EYS: variants seen among roughly 807,000 people sequenced by gnomAD.
EYS encodes the protein EGF-like photoreceptor maintenance factor.
In EYS, 250 loss-of-function variants were observed where a neutral mutation model predicts 282.1. The ratio of observed to expected loss-of-function variants is 0.89; its 90% CI spans 0.80 to 0.98. The LOEUF (loss-of-function observed/expected upper bound fraction) is 0.98, where lower values mean the gene tolerates loss of function less well. Among genes scored for constraint, EYS ranks in the 50% least tolerant of loss-of-function variants. The pLI, the probability that EYS is intolerant of heterozygous loss-of-function variation, is 0.00. For synonymous variants in EYS, 1,355 were observed against 1,282.9 expected (o/e 1.06, Z -1.20); for missense variants, 4,016 against 3,709.0 (o/e 1.08, Z -2.15).
chr6:64,015,619 T>C (rs566962820), intron 33 of EYS, among the ~76,000 whole-genome samples: 2 of 152,256 alleles, frequency 1.3e-5, no homozygotes, highest in East Asian at 3.9e-4. Flanking sequence ...AGACAAATGA[T>C]CGAATGCCTA....
chr6:64,107,285 T>TTTA (rs1275963690), intron 31 of EYS, among the ~76,000 whole-genome samples: 6 of 101,502 alleles, frequency 5.9e-5, no homozygotes, highest in South Asian at 3.2e-4. Flanking sequence ...ATATATATAT[T>TTTA]TATATATATA....
At chr6:64,033,131 T>C (rs1769940528) in intron 33 of EYS, among the ~76,000 whole-genome samples, 2 of 152,238 alleles carry the variant, frequency 1.3e-5, no homozygotes, top group Non-Finnish European at 2.9e-5. Context: ...AGATTTCTTA[T>C]TATGTAACAG....
intron 1 of EYS, among the ~76,000 whole-genome samples, chr6:65,695,027 GA>G (rs1769392999): frequency 6.6e-6 from 1 of 151,990 alleles, no homozygotes; most frequent in South Asian, 2.1e-4. Flanking sequence ...AGGAAGAGTT[GA>G]AAGAGAGCAA....
intron 29 of EYS, among the ~76,000 whole-genome samples, chr6:64,309,919 C>T (rs1051573912): frequency 4.0e-5 from 6 of 149,546 alleles, no homozygotes; most frequent in Admixed American, 1.3e-4. Flanking sequence ...GAACCGAGAT[C>T]GTACCACTGC....
At chr6:65,334,955 A>C (rs1009814853) in intron 11 of EYS, 25 bp downstream of exon 11, 1 of 1,591,090 alleles carries the variant, frequency 6.3e-7, no homozygotes, top group Admixed American at 1.7e-5. Flanking sequence ...ATGTGATATT[A>C]TCTGCTCAAA....
At chr6:64,958,895 A>C (rs369024402) in intron 14 of EYS, among the ~76,000 whole-genome samples, 25 of 152,272 alleles carry the variant, frequency 1.6e-4, no homozygotes, top group African/African-American at 4.6e-4. Context: ...TAGACACACA[A>C]TCATTGGAGT....
At chr6:64,883,869 T>C (rs1262008482) in intron 19 of EYS, among the ~76,000 whole-genome samples, 3 of 151,516 alleles carry the variant, frequency 2.0e-5, no homozygotes, top group Non-Finnish European at 4.4e-5. Context: ...AGTGTTTAAT[T>C]AAAAATACTC....
intron 22 of EYS, among the ~76,000 whole-genome samples, chr6:64,647,730 T>A (rs2149875853): frequency 6.6e-6 from 1 of 152,256 alleles, no homozygotes; most frequent in South Asian, 2.1e-4. Flanking sequence ...AAAACGCTAG[T>A]ATTCTTCAAA....
chr6:65,359,656 T>G (rs967970655), intron 8 of EYS, among the ~76,000 whole-genome samples: 2 of 152,026 alleles, frequency 1.3e-5, no homozygotes, highest in Non-Finnish European at 2.9e-5. Flanking sequence ...ATTTGCTAGT[T>G]TTTAGAAACC....
At chr6:64,653,001 G>A (rs1055514711) in intron 22 of EYS, among the ~76,000 whole-genome samples, 2 of 152,138 alleles carry the variant, frequency 1.3e-5, no homozygotes, top group African/African-American at 2.4e-5. Flanking sequence ...CTAATTCTCA[G>A]TACCCCCGTA....
rs62415479 is a variant in EYS, at chr6:64,764,887, C to T, written c.3443+48491G>A. Among the ~76,000 whole-genome samples, 811 of 152,214 alleles carry T rather than the reference C, an allele frequency of 5.3e-3. 4 individuals carry two copies. The highest frequency in any genetic ancestry group is 9.4e-3 in the Non-Finnish European group (639 of 68,002). On this transcript the variant is annotated intron_variant, in intron 22 of 42. Transcript: ENST00000503581. ...CCAAGTAGGTGGGATTACAGGCATG[C>T]ACCACCATGCCCAGCTAATTTTATA...
chr6:65,007,366 G>A (rs1389225174), intron 13 of EYS, among the ~76,000 whole-genome samples: 3 of 151,978 alleles, frequency 2.0e-5, no homozygotes, highest in African/African-American at 7.3e-5. Context: ...ACCCTCAGAC[G>A]CTAAGAAAGA....
intron 12 of EYS, among the ~76,000 whole-genome samples, chr6:65,282,412 A>T (rs528220387): frequency 6.6e-6 from 1 of 152,142 alleles, no homozygotes; most frequent in Admixed American, 6.5e-5. Flanking sequence ...AATGAACTAA[A>T]ATTAAATAAA....
At chr6:63,954,357 T>A (rs1765722079) in intron 35 of EYS, among the ~76,000 whole-genome samples, 1 of 152,178 alleles carries the variant, frequency 6.6e-6, no homozygotes, top group African/African-American at 2.4e-5. Flanking sequence ...CTCAGCAAGC[T>A]GAACTCATTG....
intron 26 of EYS, among the ~76,000 whole-genome samples, chr6:64,542,601 A>T (rs1764724224): frequency 6.6e-6 from 1 of 152,078 alleles, no homozygotes; most frequent in African/African-American, 2.4e-5. Flanking sequence ...CCCCTTTGTC[A>T]TTCCAAAACT....
chr6:64,769,682 T>G (rs1414440690), intron 22 of EYS, among the ~76,000 whole-genome samples: 1 of 151,948 alleles, frequency 6.6e-6, no homozygotes, highest in Non-Finnish European at 1.5e-5. Context: ...CTAAAAAATG[T>G]ATCCAGCTTG....
chr6:64,636,705 A>G (rs1767993416), intron 22 of EYS, among the ~76,000 whole-genome samples: 1 of 152,122 alleles, frequency 6.6e-6, no homozygotes, highest in African/African-American at 2.4e-5. Context: ...CAAAGGGCTA[A>G]TATCCAGAAT....
At chr6:64,691,057 T>C (rs1495545) in intron 22 of EYS, among the ~76,000 whole-genome samples, 104,085 of 151,506 alleles carry the variant, frequency 0.69, 36,797 homozygotes, top group Non-Finnish European at 0.78. Flanking sequence ...AATATATCAT[T>C]ACCTCAATAA....
intron 35 of EYS, among the ~76,000 whole-genome samples, chr6:63,953,321 C>T (rs1434601794): frequency 1.3e-5 from 2 of 152,144 alleles, no homozygotes; most frequent in African/African-American, 2.4e-5. Flanking sequence ...CTGCTTCTCA[C>T]CTAATTAAAT....
Sources: allele counts gnomAD v4.1 joint callset (sites outside exome capture counted in the v4.1 genomes callset), GRCh38; gene constraint gnomAD v4.1.1; transcripts MANE v1.5; gene names NCBI Gene and HGNC (gene_info 2026-07-23, HGNC 2026-07-21).